The following STARD13 variants were observed in gnomAD, a reference collection of about 807,000 sequenced individuals.
STARD13 encodes the protein StAR related lipid transfer domain containing 13, also known as stAR-related lipid transfer protein 13.
STARD13 carries 62 observed loss-of-function variants against 106.4 expected under a neutral mutation model. That is an observed-to-expected ratio of 0.58 (90% CI 0.48 to 0.72). The LOEUF is 0.72. Ranked by LOEUF, STARD13 falls within the 30% of genes least tolerant of loss-of-function variation. The pLI is 0.00. For missense variants in STARD13, 1,387 were observed against 1,424.0 expected, an observed-to-expected ratio of 0.97 and a Z score of 0.42; for synonymous variants, 565 against 553.0, an observed-to-expected ratio of 1.02 and a Z score of -0.31.
rs528585693 is a variant in STARD13 at position 33,184,557 on chromosome 13, T to A, written c.170-16935A>T. On this transcript the variant is annotated intron_variant, in intron 1 of 13. Coordinates refer to ENST00000336934, the MANE Select transcript of STARD13 (RefSeq NM_178006.4). Reference sequence around the variant, plus strand: ...GGGAGCTGGCTGAGTGTGGGTTTACTCTATGGGTCCCTGAGCAAGTCTCAT... The same window carrying A: ...GGGAGCTGGCTGAGTGTGGGTTTACACTATGGGTCCCTGAGCAAGTCTCAT... 2.6e-3 allele frequency among the ~76,000 whole-genome samples: 403 copies of A among 152,322 alleles called. 1 individual carries two copies. Among genetic ancestry groups the A allele is most frequent in the African/African-American group, 9.3e-3 (387 of 41,576 alleles).
chr13:33,523,522 T>G, the STARD13 span, among the ~76,000 whole-genome samples: 1 of 152,074 alleles, frequency 6.6e-6, no homozygotes, highest in Non-Finnish European at 1.5e-5. Flanking sequence ...ACCTTGCAAA[T>G]TATTACTTAA....
At chr13:33,661,141 A>G in the STARD13 span, 1 of 152,200 alleles carries the variant, frequency 6.6e-6, no homozygotes, top group Admixed American at 6.5e-5. Context: ...ACATTACTCA[A>G]AGAATAGGAT....
chr13:33,448,442 T>C, the STARD13 span, among the ~76,000 whole-genome samples: 3 of 152,180 alleles, frequency 2.0e-5, no homozygotes, highest in African/African-American at 7.2e-5. Context: ...AAAATATTCT[T>C]TTTTTATGGC....
At chr13:33,203,267 AC>A (rs1285937320) in intron 1 of STARD13, among the ~76,000 whole-genome samples, 1 of 151,748 alleles carries the variant, frequency 6.6e-6, no homozygotes, top group African/African-American at 2.4e-5. Flanking sequence ...CCTTTGCAGT[AC>A]ACTAAGCTGT....
chr13:33,111,813 C>T lies in STARD13; in HGVS notation c.2572G>A (p.Ala858Thr), dbSNP rs753159681. 1 of 1,614,180 alleles carries T rather than the reference C, an allele frequency of 6.2e-7. No homozygotes were observed. The highest frequency in any genetic ancestry group is 1.1e-5 in the South Asian group (1 of 91,088). Residue 858 changes from alanine (A) to threonine (T), a missense_variant, in exon 10 of 14, where the codon GCG (alanine) becomes ACG (threonine). Physicochemically the swap from Ala to Thr is moderately conservative, Grantham distance 58 (BLOSUM62 0). Coordinates refer to ENST00000336934, the MANE Select transcript of STARD13 (RefSeq NM_178006.4). Reference protein sequence around the residue: ...NENLAAAQGLAHMIMECDRLF... With the variant: ...NENLAAAQGLTHMIMECDRLF... Reference sequence around the variant, plus strand: ...CTGTCGCATTCCATGATCATGTGCGCTAGCCCCTGAGCTGCTGCCAGATTC... The same window carrying T: ...CTGTCGCATTCCATGATCATGTGCGTTAGCCCCTGAGCTGCTGCCAGATTC...
the STARD13 span, among the ~76,000 whole-genome samples, chr13:33,670,885 T>C: frequency 1.3e-5 from 2 of 152,244 alleles, no homozygotes; most frequent in Non-Finnish European, 2.9e-5. Context: ...CCCACTGAAG[T>C]TCAAGTGTAT....
chr13:33,564,206 C>CAAA, the STARD13 span, among the ~76,000 whole-genome samples: 15 of 53,792 alleles, frequency 2.8e-4, no homozygotes, highest in Admixed American at 6.8e-4. Flanking sequence ...GACTGTATCT[C>CAAA]AAAAAAAAAA....
chr13:33,440,409 G>A, the STARD13 span, among the ~76,000 whole-genome samples: 18 of 152,092 alleles, frequency 1.2e-4, no homozygotes, highest in South Asian at 2.1e-4. Context: ...CAGGCCCTGC[G>A]TCACTGTGTC....
intron 1 of STARD13, among the ~76,000 whole-genome samples, chr13:33,228,622 A>G (rs1391659336): frequency 6.6e-6 from 1 of 152,248 alleles, no homozygotes; most frequent in Non-Finnish European, 1.5e-5. Context: ...TTCCAAGCAT[A>G]CTATTTATCT....
the STARD13 span, among the ~76,000 whole-genome samples, chr13:33,456,517 G>A: frequency 6.6e-6 from 1 of 152,162 alleles, no homozygotes; most frequent in Non-Finnish European, 1.5e-5. Context: ...CATTTCTGGA[G>A]GCTAGGAAGT....
In STARD13 at chr13:33,130,014, G is replaced by T. The variant is rs575550477; in HGVS notation, c.663C>A (p.Val221=). 24 of 1,613,202 alleles carry T rather than the reference G, an allele frequency of 1.5e-5. No homozygotes were observed. In the African/African-American group the frequency reaches 1.7e-4, roughly 12 times the overall value. The part of the protein sequence containing the change: ...QPGQCCTDNP[V]MLDAPLVSSS... ...TGCTGACGAGTGGGGCATCCAGCAT[G>T]ACCGGGTTGTCTGTACAGCACTGGC... The change falls in exon 5 of 14, where the codon GTC becomes GTA. Residue 221 remains valine (V), a synonymous_variant. Coordinates refer to ENST00000336934, the MANE Select transcript of STARD13 (RefSeq NM_178006.4). This position sits in a 1 kb window ranked among gnomAD's most constrained non-coding sequence, Gnocchi z 4.1.
the STARD13 span, among the ~76,000 whole-genome samples, chr13:33,577,904 C>T: frequency 6.6e-6 from 1 of 151,930 alleles, no homozygotes. Flanking sequence ...GTGAAAGATG[C>T]TGTTAAGATA....
the STARD13 span, among the ~76,000 whole-genome samples, chr13:33,361,500 C>T: frequency 6.6e-6 from 1 of 152,148 alleles, no homozygotes; most frequent in Non-Finnish European, 1.5e-5. Context: ...GTCCCCCTAA[C>T]TCCTGCATTG....
the STARD13 span, among the ~76,000 whole-genome samples, chr13:33,381,104 T>C: frequency 1.3e-5 from 2 of 152,214 alleles, no homozygotes; most frequent in Non-Finnish European, 2.9e-5. Context: ...GGAATGTATA[T>C]TTGAGGGAAC....
At chr13:33,529,189 A>C in the STARD13 span, among the ~76,000 whole-genome samples, 1 of 152,158 alleles carries the variant, frequency 6.6e-6, no homozygotes, top group Admixed American at 6.5e-5. Context: ...GACTAAGACG[A>C]AAGTTAGTGC....
chr13:33,143,106 C>T (rs1880054357), intron 3 of STARD13, among the ~76,000 whole-genome samples: 1 of 152,156 alleles, frequency 6.6e-6, no homozygotes, highest in Non-Finnish European at 1.5e-5. Context: ...CTGCCAGCAC[C>T]TTGATCTTGA....
At chr13:33,138,616 C>T (rs534937887) in intron 4 of STARD13, 19 of 236,080 alleles carry the variant, frequency 8.0e-5, no homozygotes, top group African/African-American at 3.0e-4. Context: ...GAAATTTAGA[C>T]GTTAACTGGA....
At chr13:33,352,503 T>C (rs1324942014), upstream of STARD13, among the ~76,000 whole-genome samples, 1 of 152,258 alleles carries the variant, frequency 6.6e-6, no homozygotes, top group Non-Finnish European at 1.5e-5. Context: ...TTCTAGCACA[T>C]ATTTTATATT....
the STARD13 span, among the ~76,000 whole-genome samples, chr13:33,433,352 T>G: frequency 6.6e-6 from 1 of 152,196 alleles, no homozygotes; most frequent in African/African-American, 2.4e-5. Flanking sequence ...TGTCTTTAGT[T>G]AGAATTTGTT....
Sources: gnomAD v4.1 joint callset for allele counts (sites outside exome capture counted in the v4.1 genomes callset) on GRCh38, gnomAD v4.1.1 for gene constraint, Gnocchi (gnomAD v3.1) non-coding constraint, MANE v1.5 for transcripts, NCBI Gene and HGNC (gene_info 2026-07-23, HGNC 2026-07-21) for gene names.